TXLNA: variants seen among roughly 807,000 people sequenced by gnomAD.
TXLNA encodes taxilin alpha.
A neutral mutation model predicts 61.4 loss-of-function variants in TXLNA; 9 were observed. The ratio of observed to expected loss-of-function variants is 0.15; its 90% CI spans 0.09 to 0.26. The LOEUF is 0.26. Ranked by LOEUF, TXLNA falls within the 10% of genes least tolerant of loss-of-function variation. TXLNA has a pLI of 1.00. For synonymous variants in TXLNA, 257 were observed against 267.7 expected (o/e 0.96, Z 0.39); for missense variants, 565 against 688.8 (o/e 0.82, Z 2.01).
chr1:32,181,005 TAAAG>T (rs1569589776), intron 2 of TXLNA, among the ~76,000 whole-genome samples: 1 of 152,204 alleles, frequency 6.6e-6, no homozygotes, highest in South Asian at 2.1e-4. Flanking sequence ...TAAACAGACT[TAAAG>T]AAGTTAGGCA....
rs1237800256 is a variant in TXLNA, at chr1:32,194,887, C to T, written c.1348-15C>T. ...TGATGGGGCACGGCACTGAAGGTCT[C>T]ATTTCTTTCCCTAGAAAACAGTCCG... On this transcript the variant is annotated splice_polypyrimidine_tract_variant and intron_variant, in intron 10 of 10. Transcript: ENST00000373610. 1.3e-6 allele frequency: 2 copies of T among 1,589,978 alleles called. No individual in the cohort carries two copies. The highest frequency in any genetic ancestry group is 1.8e-5 in the Admixed American group (1 of 55,720).
intron 6 of TXLNA, among the ~76,000 whole-genome samples, chr1:32,191,581 G>GTAC (rs1200577758): frequency 6.6e-6 from 1 of 152,086 alleles, no homozygotes; most frequent in African/African-American, 2.4e-5. Flanking sequence ...AAAGGACTTA[G>GTAC]TACTACCTGT....
At chr1:32,186,821 G>A (rs575130378) in intron 4 of TXLNA, among the ~76,000 whole-genome samples, 26 of 152,332 alleles carry the variant, frequency 1.7e-4, no homozygotes, top group Non-Finnish European at 3.4e-4. Flanking sequence ...AGATAAATTC[G>A]TCTCTAGCTA....
rs771724160 is a variant in TXLNA at position 32,195,136 on chromosome 1, C to T, written c.1582C>T (p.Pro528Ser). The T allele has an allele frequency of 6.8e-6, 11 of 1,613,674 alleles. No individual in the cohort carries two copies. Among genetic ancestry groups the T allele is most frequent in the Non-Finnish European group, 9.3e-6 (11 of 1,179,838 alleles). ...VTEAPCYPGA[P>S]STEASGQTGP... ...AGAAGCGCCTTGCTACCCAGGAGCA[C>T]CGAGCACAGAAGCATCAGGCCAGAC... The change falls in exon 11 of 11, where the codon CCG becomes TCG. Residue 528 changes from proline to serine, a missense_variant. Physicochemically the swap from Pro to Ser is moderately conservative, Grantham distance 74 (BLOSUM62 -1). Transcript: ENST00000373610.
intron 4 of TXLNA, among the ~76,000 whole-genome samples, chr1:32,186,805 T>C (rs1217523332): frequency 6.6e-6 from 1 of 152,256 alleles, no homozygotes; most frequent in Non-Finnish European, 1.5e-5. Flanking sequence ...AGATCTGCGC[T>C]GTCCAAGATA....
chr1:32,188,202 T>C, intron 5 of TXLNA, 78 bp downstream of exon 5: 1 of 1,455,744 alleles, frequency 6.9e-7, no homozygotes. Context: ...GGCTTTCCTC[T>C]TAAAAAGTAG....
chr1:32,181,162 T>G, intron 2 of TXLNA, 80 bp from the exon 3 acceptor site: 2 of 1,282,440 alleles, frequency 1.6e-6, no homozygotes, highest in South Asian at 1.9e-5. Flanking sequence ...AACTGATGAG[T>G]TTGGCTGGGC....
rs1642917080 is a variant in TXLNA, at chr1:32,192,022, C to A, written c.964-289C>A. Among the ~76,000 whole-genome samples, 1 of 152,254 alleles carries A rather than the reference C, an allele frequency of 6.6e-6. No individual in the cohort carries two copies. Among genetic ancestry groups the A allele is most frequent in the South Asian group, 2.1e-4 (1 of 4,832 alleles). ...GAGGGCTTCCAGCCCCATAGGTGAT[C>A]AATCCTGGGGTCAGAGATTTGAGTG... On this transcript the variant is annotated intron_variant, in intron 6 of 10. Transcript: ENST00000373610. The surrounding 1 kb of genome is among the most constrained non-coding windows in gnomAD (Gnocchi z 4.2).
rs1379040802 is a variant in TXLNA at position 32,196,278 on chromosome 1, G to C, written c.*1083G>C. 2.0e-5 allele frequency: 3 copies of C among 152,512 alleles called. No homozygotes were observed. The highest frequency in any genetic ancestry group is 7.2e-5 in the African/African-American group (3 of 41,442). 9.4% of individuals were successfully genotyped at this position (152,512 alleles called of 1,614,324 possible). On this transcript the variant is annotated 3_prime_UTR_variant, in exon 11 of 11. Coordinates refer to ENST00000373610, the MANE Select transcript of TXLNA (RefSeq NM_175852.4). ...TTCCCATCAGCACTGTCTCCATGCA[G>C]CAGTTGCTGGGTCCCATGTCCAGCT...
chr1:32,185,135 GTAGAAGTTAGCTCTAAAGCTTGATCCA>G (rs1242356169), intron 4 of TXLNA, among the ~76,000 whole-genome samples: 1 of 152,184 alleles, frequency 6.6e-6, no homozygotes, highest in African/African-American at 2.4e-5. Flanking sequence ...TGTAAGTGAA[GTAGAAGTTAGCTCTAAAGCTTGATCCA>G]ATTCAGCTTC....
intron 2 of TXLNA, 118 bp downstream of exon 2, chr1:32,180,632 A>ACAT (rs1642634190): frequency 1.5e-6 from 2 of 1,340,782 alleles, no homozygotes; most frequent in Non-Finnish European, 2.0e-6. Flanking sequence ...GAATGAGAGG[A>ACAT]CAGTGCTGGG....
At chr1:32,187,862 G>A in intron 4 of TXLNA, 92 bp from the exon 5 acceptor site, 2 of 1,406,002 alleles carry the variant, frequency 1.4e-6, no homozygotes, top group Non-Finnish European at 1.9e-6. Flanking sequence ...TAAGGGTCAG[G>A]GCAGCTCAGG....
Position 32,195,159 on chromosome 1 carries a change from G to T in TXLNA, c.1605G>T (p.Gln535His). 1.2e-6 allele frequency: 2 copies of T among 1,609,892 alleles called. No individual in the cohort carries two copies. The highest frequency in any genetic ancestry group is 1.7e-6 in the Non-Finnish European group (2 of 1,178,226). ...CACCGAGCACAGAAGCATCAGGCCA[G>T]ACTGGGCCTCAAGAGCCCACCTCCG... ...PGAPSTEASGQTGPQEPTSAR... is the reference protein window; with the variant it reads ...PGAPSTEASGHTGPQEPTSAR... Residue 535 changes from glutamine (Q) to histidine (H), a missense_variant, in exon 11 of 11, where the codon CAG becomes CAT. By Grantham distance (24) the Gln-to-His change is conservative. Coordinates refer to ENST00000373610, the MANE Select transcript of TXLNA (RefSeq NM_175852.4).
chr1:32,194,465 C>A (rs971815396), intron 10 of TXLNA, among the ~76,000 whole-genome samples: 1 of 152,178 alleles, frequency 6.6e-6, no homozygotes, highest in East Asian at 1.9e-4. Context: ...GATTTCACAG[C>A]TTGTAATGTA....
chr1:32,180,687 C>G (rs1055317561), intron 2 of TXLNA, among the ~76,000 whole-genome samples, 173 bp downstream of exon 2: 3 of 152,266 alleles, frequency 2.0e-5, no homozygotes, highest in African/African-American at 7.2e-5. Flanking sequence ...GGAGCTGCCC[C>G]CTCTAAGCAC....
intron 3 of TXLNA, 42 bp from the exon 4 acceptor site, chr1:32,184,483 C>T (rs1244758318): frequency 7.4e-7 from 1 of 1,357,212 alleles, no homozygotes. Flanking sequence ...GGAGGGGACA[C>T]CTGGAGAAGA....
In TXLNA at chr1:32,192,297, C is replaced by A; in HGVS notation, c.964-14C>A. 6.2e-7 allele frequency: 1 copy of A among 1,612,722 alleles called. No homozygotes were observed. The highest frequency in any genetic ancestry group is 1.1e-5 in the South Asian group (1 of 90,958). ...CGCCTGACAAGCCGACTGCTCCCAC[C>A]ATCTTTGTTGCAGCATATCGACAAA... On this transcript the variant is annotated splice_polypyrimidine_tract_variant and intron_variant, in intron 6 of 10. Coordinates refer to ENST00000373610, the MANE Select transcript of TXLNA (RefSeq NM_175852.4). The surrounding 1 kb of genome is among the most constrained non-coding windows in gnomAD (Gnocchi z 4.2).
chr1:32,180,427 G>A lies in TXLNA; in HGVS notation c.82G>A (p.Glu28Lys). The change falls in exon 2 of 11, where the codon GAG becomes AAG. Residue 28 changes from glutamate to lysine, a missense_variant. By Grantham distance (56) the Glu-to-Lys change is moderately conservative. Transcript: ENST00000373610. Reference protein sequence around the residue: ...SSPGQPEAGPEGAQERPSQAA... With the variant: ...SSPGQPEAGPKGAQERPSQAA... ...CCCAGGACAACCGGAAGCAGGACCC[G>A]AGGGAGCCCAGGAGCGGCCCAGCCA... 6.2e-7 allele frequency: 1 copy of A among 1,613,930 alleles called. No homozygotes were observed. Among genetic ancestry groups the A allele is most frequent in the Non-Finnish European group, 8.5e-7 (1 of 1,179,912 alleles).
chr1:32,193,330 C>A, intron 9 of TXLNA, 30 bp downstream of exon 9: 1 of 1,535,222 alleles, frequency 6.5e-7, no homozygotes, highest in Non-Finnish European at 9.0e-7. Context: ...GGCATGGCTG[C>A]TGGGGCATAA....
Sources: allele counts gnomAD v4.1 joint callset (sites outside exome capture counted in the v4.1 genomes callset), GRCh38; gene constraint gnomAD v4.1.1; non-coding constraint Gnocchi (gnomAD v3.1); transcripts MANE v1.5; gene names NCBI Gene and HGNC (gene_info 2026-07-23, HGNC 2026-07-21).